The following DGLUCY variants were observed in gnomAD, a reference collection of about 807,000 sequenced individuals.
The protein encoded by DGLUCY is D-glutamate cyclase, mitochondrial.
Under a neutral mutation model 58.5 loss-of-function variants are expected in DGLUCY, and 58 were observed. That is an observed-to-expected ratio of 0.99 (90% CI 0.80 to 1.23). The LOEUF (loss-of-function observed/expected upper bound fraction) is 1.23, where lower values mean the gene tolerates loss of function less well. Ranked by LOEUF, DGLUCY falls within the 50% of genes most tolerant of loss-of-function variation. The pLI, the probability that DGLUCY is intolerant of heterozygous loss-of-function variation, is 0.00. For synonymous variants in DGLUCY, 325 were observed against 314.1 expected (o/e 1.03, Z -0.37); for missense variants, 779 against 784.7 (o/e 0.99, Z 0.09).
chr14:91,157,008 T>A (rs1209764065), intron 1 of DGLUCY, among the ~76,000 whole-genome samples: 1 of 152,132 alleles, frequency 6.6e-6, no homozygotes, highest in African/African-American at 2.4e-5. Context: ...GGTGGGTGGG[T>A]GAATGGATGA....
chr14:91,188,643 T>C (rs1302055173), intron 8 of DGLUCY, among the ~76,000 whole-genome samples: 2 of 151,972 alleles, frequency 1.3e-5, no homozygotes, highest in South Asian at 2.1e-4. Context: ...CTGGGCAACA[T>C]AGCAAGGTCC....
intron 9 of DGLUCY, chr14:91,189,662 C>G (rs948922363): frequency 5.9e-6 from 1 of 169,378 alleles, no homozygotes; most frequent in African/African-American, 2.4e-5. Context: ...GTAGCCAGAT[C>G]AGCGTCGGGC....
At chr14:91,216,945 G>A (rs930435030) in intron 13 of DGLUCY, among the ~76,000 whole-genome samples, 1 of 152,206 alleles carries the variant, frequency 6.6e-6, no homozygotes, top group Non-Finnish European at 1.5e-5. Flanking sequence ...CCTGAGCAGC[G>A]AGGTGGCAGC....
At chr14:91,156,472 C>T (rs555274745) in intron 1 of DGLUCY, among the ~76,000 whole-genome samples, 2 of 152,174 alleles carry the variant, frequency 1.3e-5, no homozygotes, top group Non-Finnish European at 2.9e-5. Flanking sequence ...ACTGTTTGAG[C>T]ACATCTGTAG....
intron 1 of DGLUCY, among the ~76,000 whole-genome samples, chr14:91,093,541 G>T (rs978796012): frequency 1.3e-5 from 2 of 152,176 alleles, no homozygotes; most frequent in African/African-American, 4.8e-5. Flanking sequence ...CAGCACTTTG[G>T]GAAGCCAAAG....
In DGLUCY at chr14:91,211,675, C is replaced by A. The variant is rs547381704; in HGVS notation, c.1565-3730C>A. On this transcript the variant is annotated intron_variant, in intron 12 of 13. Coordinates refer to ENST00000256324, the MANE Select transcript of DGLUCY (RefSeq NM_001102368.3). ...AGACATATAGACGTTACATCCTTTA[C>A]AATAATAAACTCAAAATGGATTATG... Among the ~76,000 whole-genome samples, 62 of 152,328 alleles carry A rather than the reference C, an allele frequency of 4.1e-4. 1 individual carries two copies. Among genetic ancestry groups the A allele is most frequent in the African/African-American group, 1.4e-3 (60 of 41,560 alleles).
At chr14:91,156,191 G>A (rs2047611802) in intron 1 of DGLUCY, among the ~76,000 whole-genome samples, 1 of 150,594 alleles carries the variant, frequency 6.6e-6, no homozygotes, top group Admixed American at 6.6e-5. Flanking sequence ...TCGGCTCACT[G>A]CAACCTCCGC....
At chr14:91,102,265 T>C (rs2044500693) in intron 1 of DGLUCY, among the ~76,000 whole-genome samples, 1 of 152,162 alleles carries the variant, frequency 6.6e-6, no homozygotes, top group Non-Finnish European at 1.5e-5. Flanking sequence ...GTGATCAGTG[T>C]TCAAGGCTTC....
chr14:91,102,763 G>GTGTT (rs2044513345), intron 1 of DGLUCY, among the ~76,000 whole-genome samples: 2 of 150,890 alleles, frequency 1.3e-5, no homozygotes, highest in Non-Finnish European at 3.0e-5. Flanking sequence ...GTGTGTGTGT[G>GTGTT]TGTGTGTGTG....
At chr14:91,061,531 G>T (rs756784585) in intron 1 of DGLUCY, among the ~76,000 whole-genome samples, 2 of 152,182 alleles carry the variant, frequency 1.3e-5, no homozygotes, top group Non-Finnish European at 2.9e-5. Context: ...AGAGAATCTC[G>T]CACGGATGGC....
At chr14:91,097,145 C>T (rs935335634) in intron 1 of DGLUCY, among the ~76,000 whole-genome samples, 5 of 152,150 alleles carry the variant, frequency 3.3e-5, no homozygotes, top group Admixed American at 3.3e-4. Context: ...GCCTGTAATC[C>T]CAGCACTTTA....
intron 1 of DGLUCY, among the ~76,000 whole-genome samples, chr14:91,093,016 A>G (rs1054824045): frequency 1.3e-5 from 2 of 151,860 alleles, no homozygotes; most frequent in East Asian, 3.9e-4. Flanking sequence ...TCCGGGAGAC[A>G]AAGGTTGCAG....
Position 91,079,340 on chromosome 14 carries a change from C to CTTTCT in DGLUCY, c.-82+18655_-82+18659dup, listed in dbSNP as rs1040216756. ...TAAAATGTCTTCATAAACATTGTTT[C>CTTTCT]TTTCTTTTCTTTTCTTTTCTTTTTT... On this transcript the variant is annotated intron_variant, in intron 1 of 4. Transcript: ENST00000521334. 7.9e-5 allele frequency among the ~76,000 whole-genome samples: 12 copies of CTTTCT among 151,304 alleles called. No individual in the cohort carries two copies. The South Asian group carries it at 8.3e-4, about 10-fold the overall frequency.
upstream of DGLUCY, among the ~76,000 whole-genome samples, chr14:91,104,900 G>T (rs141068421): frequency 5.8e-4 from 88 of 152,296 alleles, no homozygotes; most frequent in African/African-American, 2.0e-3. Context: ...TGAAATGGGG[G>T]TATAACAGCA....
At chr14:91,169,911 TC>T (rs1322740445) in intron 4 of DGLUCY, 91 bp from the exon 5 acceptor site, 1 of 1,356,160 alleles carries the variant, frequency 7.4e-7, no homozygotes, top group African/African-American at 1.4e-5. Flanking sequence ...GCACTAGACA[TC>T]CTCTTCTCTC....
chr14:91,196,139 G>A (rs2050191362), intron 9 of DGLUCY, among the ~76,000 whole-genome samples: 1 of 152,118 alleles, frequency 6.6e-6, no homozygotes, highest in Non-Finnish European at 1.5e-5. Context: ...ATATTTGTTA[G>A]GCTGTGTTAG....
intron 13 of DGLUCY, 138 bp downstream of exon 13, chr14:91,215,694 C>T (rs1021467428): frequency 6.4e-7 from 1 of 1,562,926 alleles, no homozygotes. Flanking sequence ...AGCCTTGAAG[C>T]AGAGGTCTCC....
chr14:91,190,041 G>A (rs1383353168), intron 9 of DGLUCY, among the ~76,000 whole-genome samples: 1 of 139,014 alleles, frequency 7.2e-6, no homozygotes, highest in African/African-American at 2.7e-5. Context: ...AGGCTGGAGT[G>A]CAGTGGCGCG....
chr14:91,215,407 G>A lies in DGLUCY; in HGVS notation c.1567G>A (p.Val523Ile). 6.2e-7 allele frequency: 1 copy of A among 1,603,314 alleles called. No homozygotes were observed. The highest frequency in any genetic ancestry group is 8.5e-7 in the Non-Finnish European group (1 of 1,172,452). The change falls in exon 13 of 14, where the codon GTT (valine) becomes ATT (isoleucine). Residue 523 changes from valine to isoleucine, a missense_variant and splice_region_variant. By Grantham distance (29) the Val-to-Ile change is conservative. Transcript: ENST00000256324. ...VEADFAVIAG[V>I]SNWGGYALAC... ...GGAATCTTGTTTTGCTGTTCTAGGTGTTTCTAACTGGGGAGGCTATGCCCT... is the reference window on the plus strand; with the variant it reads ...GGAATCTTGTTTTGCTGTTCTAGGTATTTCTAACTGGGGAGGCTATGCCCT...
Sources: allele counts gnomAD v4.1 joint callset (sites outside exome capture counted in the v4.1 genomes callset), GRCh38; gene constraint gnomAD v4.1.1; transcripts MANE v1.5; gene names NCBI Gene and HGNC (gene_info 2026-07-23, HGNC 2026-07-21).